The following HSDL2 variants were observed in gnomAD, a reference collection of about 807,000 sequenced individuals.
The protein encoded by HSDL2 is hydroxysteroid dehydrogenase like 2.
Under a neutral mutation model 46.3 loss-of-function variants are expected in HSDL2, and 27 were observed. The ratio of observed to expected loss-of-function variants is 0.58; its 90% CI spans 0.43 to 0.80. The LOEUF (loss-of-function observed/expected upper bound fraction) is 0.80. HSDL2 is among the 30% of genes least tolerant of loss of function. The pLI is 0.00. For missense variants in HSDL2, 451 were observed against 502.7 expected (o/e 0.90, Z 0.98); for synonymous variants, 153 against 163.6 (o/e 0.94, Z 0.50).
intron 6 of HSDL2, among the ~76,000 whole-genome samples, chr9:112,431,790 T>G (rs7029695): frequency 4.6e-5 from 7 of 151,806 alleles, no homozygotes; most frequent in African/African-American, 1.7e-4. Context: ...AGCCAAGTGA[T>G]GTTGGAGCCA....
chr9:112,395,717 T>TA (rs1257515311), intron 1 of HSDL2, among the ~76,000 whole-genome samples: 7 of 152,372 alleles, frequency 4.6e-5, no homozygotes, highest in Non-Finnish European at 1.0e-4. Context: ...ACGGCTCCCA[T>TA]AGGTTTAATT....
rs528776752 is a variant in HSDL2, at chr9:112,470,376, A to G, written c.1145-56A>G. On this transcript the variant is annotated intron_variant, in intron 10 of 10. Transcript: ENST00000398805. ...TTTTACAATGCGTGTTCTTAAAGCA[A>G]TATATCCCTAAGGGCACTAATGGTT... 25 of 1,028,096 alleles carry G rather than the reference A, an allele frequency of 2.4e-5. 1 individual carries two copies. In the Middle Eastern group the frequency reaches 6.2e-4, roughly 26 times the overall value. The allele number at this position is 1,028,096 out of a possible 1,614,324, so 63.7% of individuals were successfully genotyped here. A position where few individuals can be genotyped will look rare whatever the true frequency, so the allele number is the denominator to read the frequency against.
chr9:112,441,849 T>G (rs1832645679), intron 8 of HSDL2, 79 bp downstream of exon 8: 1 of 888,976 alleles, frequency 1.1e-6, no homozygotes, highest in Non-Finnish European at 1.8e-6. Flanking sequence ...GAATTGATCC[T>G]ATAACAGTGA....
At chr9:112,428,602 A>T (rs1186034678) in intron 6 of HSDL2, among the ~76,000 whole-genome samples, 1 of 152,222 alleles carries the variant, frequency 6.6e-6, no homozygotes. Context: ...TCGAATAGAA[A>T]ATATTAGAGT....
intron 6 of HSDL2, among the ~76,000 whole-genome samples, chr9:112,432,117 G>C (rs1183041305): frequency 6.6e-6 from 1 of 152,042 alleles, no homozygotes; most frequent in Non-Finnish European, 1.5e-5. Context: ...CCTGACCTCA[G>C]GTGATCCACC....
At chr9:112,467,453 A>G (rs1261157364) in intron 10 of HSDL2, among the ~76,000 whole-genome samples, 2 of 152,240 alleles carry the variant, frequency 1.3e-5, no homozygotes, top group Non-Finnish European at 2.9e-5. Flanking sequence ...TTTTGGGATG[A>G]TGAAAATGGT....
chr9:112,427,766 C>A (rs983453381), intron 6 of HSDL2, among the ~76,000 whole-genome samples: 1 of 152,036 alleles, frequency 6.6e-6, no homozygotes, highest in African/African-American at 2.4e-5. Flanking sequence ...CCTGTAAGGA[C>A]CCTTATATTA....
chr9:112,464,117 A>G (rs986899942), intron 10 of HSDL2, among the ~76,000 whole-genome samples: 3 of 152,128 alleles, frequency 2.0e-5, no homozygotes, highest in Non-Finnish European at 2.9e-5. Flanking sequence ...CTATAATCCC[A>G]ACACTTTGGG....
intron 3 of HSDL2, among the ~76,000 whole-genome samples, chr9:112,406,272 A>G (rs956360791): frequency 4.6e-5 from 7 of 152,060 alleles, no homozygotes; most frequent in African/African-American, 1.7e-4. Flanking sequence ...AATCGGTACA[A>G]TGTTTGCTGT....
chr9:112,392,336 A>G (rs992601781), intron 1 of HSDL2, among the ~76,000 whole-genome samples: 8 of 152,206 alleles, frequency 5.3e-5, no homozygotes, highest in Non-Finnish European at 1.2e-4. Context: ...AACATCTTAA[A>G]CAACAGAAAA....
chr9:112,441,957 C>T (rs1832647317), intron 8 of HSDL2, among the ~76,000 whole-genome samples, 187 bp downstream of exon 8: 1 of 151,974 alleles, frequency 6.6e-6, no homozygotes, highest in Admixed American at 6.6e-5. Flanking sequence ...TTTTGTTCAT[C>T]TACCAGTAAG....
At position 112,383,062 on chromosome 9, in the gene HSDL2, C is replaced by T. The variant is rs938277173; in HGVS notation, c.17+2882C>T. On this transcript the variant is annotated intron_variant, in intron 1 of 10. Coordinates refer to ENST00000398805, the MANE Select transcript of HSDL2 (RefSeq NM_032303.5). ...TGCTCTGTATGCCTTTGAGTTAAAC[C>T]GAGATCTTTCTTTCTGTCTTTCTTT... is the stretch of plus-strand genomic sequence containing the variant. 2.0e-5 allele frequency among the ~76,000 whole-genome samples: 3 copies of T among 150,994 alleles called. No homozygotes were observed. In the Admixed American group the frequency reaches 2.0e-4, roughly 10 times the overall value.
chr9:112,389,573 T>C (rs778493182), intron 1 of HSDL2, among the ~76,000 whole-genome samples: 1 of 152,190 alleles, frequency 6.6e-6, no homozygotes, highest in Non-Finnish European at 1.5e-5. Context: ...AAAAGATGTA[T>C]AATACCTTTC....
At position 112,412,336 on chromosome 9, in the gene HSDL2, T is replaced by TA. The variant is rs1303093661; in HGVS notation, c.395+3316dup. 3.9e-5 allele frequency among the ~76,000 whole-genome samples: 6 copies of TA among 152,272 alleles called. No homozygotes were observed. In the South Asian group the frequency reaches 1.0e-3, roughly 26 times the overall value. ...AAATGACTTCCAAGGTATTGACAAA[T>TA]ATCTTGGCAAGTTTAAGGCAGATTT... is the stretch of plus-strand genomic sequence containing the variant. On this transcript the variant is annotated intron_variant, in intron 4 of 10. Transcript: ENST00000398805.
intron 8 of HSDL2, among the ~76,000 whole-genome samples, chr9:112,449,362 C>T (rs529478893): frequency 2.0e-5 from 3 of 152,070 alleles, no homozygotes; most frequent in Non-Finnish European, 2.9e-5. Context: ...GCTAGGATTA[C>T]CAGCATGAGC....
intron 9 of HSDL2, among the ~76,000 whole-genome samples, chr9:112,455,044 T>C (rs1259831665): frequency 2.0e-5 from 3 of 152,050 alleles, no homozygotes; most frequent in African/African-American, 4.8e-5. Context: ...ATTGTTCTTC[T>C]CCATATAAAA....
At chr9:112,380,277 G>A in intron 1 of HSDL2, 97 bp downstream of exon 1, 1 of 1,273,288 alleles carries the variant, frequency 7.9e-7, no homozygotes, top group Non-Finnish European at 1.1e-6. Flanking sequence ...CGGCCCGGCT[G>A]TGGGAGGTCA....
chr9:112,399,953 A>T (rs1831551580), intron 1 of HSDL2, among the ~76,000 whole-genome samples: 1 of 152,222 alleles, frequency 6.6e-6, no homozygotes, highest in African/African-American at 2.4e-5. Context: ...TTACGAAGAT[A>T]ACAGGATTAA....
At chr9:112,408,592 T>A (rs1259113719) in intron 3 of HSDL2, among the ~76,000 whole-genome samples, 13 of 152,238 alleles carry the variant, frequency 8.5e-5, no homozygotes. Flanking sequence ...ACCACATACC[T>A]AGGCTGTATG....
Sources: gnomAD v4.1 joint callset for allele counts (sites outside exome capture counted in the v4.1 genomes callset) on GRCh38, gnomAD v4.1.1 for gene constraint, MANE v1.5 for transcripts, NCBI Gene and HGNC (gene_info 2026-07-23, HGNC 2026-07-21) for gene names.